Variants in MMP26 observed in about 807,000 individuals in gnomAD.
The protein encoded by MMP26 is matrix metalloproteinase-26.
A neutral mutation model predicts 31.0 loss-of-function variants in MMP26; 33 were observed. That is an observed-to-expected ratio of 1.06 (90% CI 0.81 to 1.42). The LOEUF is 1.42. Among genes scored for constraint, MMP26 ranks in the 40% most tolerant of loss-of-function variants. MMP26 has a pLI of 0.00. For missense variants in MMP26, 347 were observed against 316.1 expected, an observed-to-expected ratio of 1.10 and a Z score of -0.74; for synonymous variants, 122 against 114.9, an observed-to-expected ratio of 1.06 and a Z score of -0.40.
chr11:4,754,033 C>T (rs1354734116), intron 1 of MMP26, among the ~76,000 whole-genome samples: 1 of 151,078 alleles, frequency 6.6e-6, no homozygotes, highest in East Asian at 1.9e-4. Context: ...CATTTCCATA[C>T]TTTGCTCTAA....
intron 2 of MMP26, chr11:4,907,201 A>G: frequency 3.7e-6 from 2 of 541,118 alleles, no homozygotes; most frequent in Middle Eastern, 4.9e-4. Context: ...TTGTTTAAGG[A>G]CTTCTGGTAA....
chr11:4,720,765 C>T (rs1253452024), intron 1 of MMP26, among the ~76,000 whole-genome samples: 1 of 152,136 alleles, frequency 6.6e-6, no homozygotes, highest in Non-Finnish European at 1.5e-5. Flanking sequence ...GAACATGAGG[C>T]CAAGAGCCAA....
At chr11:4,942,367 C>T (rs1241021265) in intron 2 of MMP26, among the ~76,000 whole-genome samples, 1 of 151,930 alleles carries the variant, frequency 6.6e-6, no homozygotes, top group African/African-American at 2.4e-5. Flanking sequence ...GTTACTTTCT[C>T]TCCTATCTTA....
At chr11:4,777,515 A>C (rs1363474503) in intron 2 of MMP26, among the ~76,000 whole-genome samples, 5 of 152,136 alleles carry the variant, frequency 3.3e-5, no homozygotes. Context: ...ATTACAAGCA[A>C]ACTGGTTGAA....
chr11:4,955,598 A>G, intron 2 of MMP26: 2 of 1,440,370 alleles, frequency 1.4e-6, no homozygotes, highest in Admixed American at 1.8e-5. Flanking sequence ...TAGAATAGCA[A>G]TAAGATACAT....
chr11:4,775,747 TGAGAGA>T (rs35696328), intron 2 of MMP26, among the ~76,000 whole-genome samples: 3 of 139,706 alleles, frequency 2.1e-5, no homozygotes, highest in East Asian at 2.1e-4. Flanking sequence ...AGGAAGTGAG[TGAGAGA>T]GAGAGAGAGA....
chr11:4,946,647 A>G (rs1412738843), intron 2 of MMP26: 2 of 1,589,258 alleles, frequency 1.3e-6, no homozygotes, highest in South Asian at 1.1e-5. Flanking sequence ...ATGCTCTTAA[A>G]GGAGAATACT....
chr11:4,786,109 A>G (rs1848940136), intron 2 of MMP26, among the ~76,000 whole-genome samples: 1 of 152,248 alleles, frequency 6.6e-6, no homozygotes, highest in African/African-American at 2.4e-5. Flanking sequence ...ATTACTTGTA[A>G]TTCCTCTCTC....
chr11:4,843,026 T>C (rs1025750705), intron 2 of MMP26, among the ~76,000 whole-genome samples: 1 of 152,190 alleles, frequency 6.6e-6, no homozygotes, highest in Middle Eastern at 3.2e-3. Context: ...TCTGACCCCA[T>C]GTCTCTCACC....
At chr11:4,787,597 C>G (rs1848966180) in intron 2 of MMP26, 1 of 152,282 alleles carries the variant, frequency 6.6e-6, no homozygotes, top group African/African-American at 2.4e-5. Context: ...TGTCCAACAT[C>G]TATTTCCTTG....
intron 2 of MMP26, among the ~76,000 whole-genome samples, chr11:4,825,034 T>C (rs1040516729): frequency 6.6e-6 from 1 of 152,120 alleles, no homozygotes; most frequent in Admixed American, 6.6e-5. Context: ...TTTCAGGCTT[T>C]GCTGAGACCT....
At chr11:4,944,688 T>C (rs1375554391) in intron 2 of MMP26, 1 of 152,106 alleles carries the variant, frequency 6.6e-6, no homozygotes, top group Non-Finnish European at 1.5e-5. Flanking sequence ...TTTCGCAATA[T>C]GCAAGATTTT....
Position 4,723,759 on chromosome 11 carries a change from G to C in MMP26, c.-217+18714G>C. ...GGTTGTTGATGTAGCTCTCGAACAT[G>C]TTGTCCATGTTGCTCCGAGCTGTCT... is the stretch of plus-strand genomic sequence containing the variant. On this transcript the variant is annotated intron_variant, in intron 1 of 7. Transcript: ENST00000380390. The C allele has an allele frequency of 2.0e-6, 3 of 1,464,760 alleles. No individual in the cohort carries two copies. The Admixed American group carries it at 5.0e-5, about 24-fold the overall frequency. The allele number at this position is 1,464,760 out of a possible 1,614,324, so 90.7% of individuals were successfully genotyped here. A position where few individuals can be genotyped will look rare whatever the true frequency, so the allele number is the denominator to read the frequency against.
chr11:4,824,955 A>G (rs1849560893), intron 2 of MMP26, among the ~76,000 whole-genome samples: 1 of 152,266 alleles, frequency 6.6e-6, no homozygotes, highest in African/African-American at 2.4e-5. Context: ...GGTTAGTCCA[A>G]TTAAGTAGGT....
intron 2 of MMP26, among the ~76,000 whole-genome samples, chr11:4,888,612 A>C (rs1470527082): frequency 6.6e-6 from 1 of 152,166 alleles, no homozygotes; most frequent in Non-Finnish European, 1.5e-5. Flanking sequence ...CTTTTAGTTG[A>C]CCATGGCTTA....
intron 2 of MMP26, among the ~76,000 whole-genome samples, chr11:4,928,114 A>T (rs570505855): frequency 9.5e-6 from 1 of 105,502 alleles, no homozygotes; most frequent in East Asian, 4.7e-4. Flanking sequence ...TGACTATATG[A>T]CCTAGGACAA....
intron 2 of MMP26, among the ~76,000 whole-genome samples, chr11:4,770,253 G>A (rs940288857): frequency 6.6e-6 from 1 of 152,112 alleles, no homozygotes; most frequent in Admixed American, 6.5e-5. Flanking sequence ...AGACTTAGCT[G>A]AGAAAAAATA....
intron 2 of MMP26, among the ~76,000 whole-genome samples, chr11:4,852,859 A>T (rs1849995308): frequency 6.6e-6 from 1 of 152,150 alleles, no homozygotes; most frequent in African/African-American, 2.4e-5. Flanking sequence ...ATAGATATAT[A>T]ATATTCAGCC....
rs374856750 is a variant in MMP26 at position 4,961,147 on chromosome 11, G to A, written c.-144-26921G>A. Among the ~76,000 whole-genome samples the A allele has an allele frequency of 4.6e-5, 7 of 152,304 alleles. No homozygotes were observed. The East Asian group carries it at 9.6e-4, about 21-fold the overall frequency. On this transcript the variant is annotated intron_variant, in intron 2 of 7. Coordinates refer to ENST00000380390, the MANE Select transcript of MMP26 (RefSeq NM_021801.5). The stretch of plus-strand genomic sequence containing the variant: ...AAATTTTGTCTTCACAACTGCAGAT[G>A]TACCTAAAGGATATTTCTTCATTTA...
Sources: gnomAD v4.1 joint callset for allele counts (sites outside exome capture counted in the v4.1 genomes callset) on GRCh38, gnomAD v4.1.1 for gene constraint, MANE v1.5 for transcripts, NCBI Gene and HGNC (gene_info 2026-07-23, HGNC 2026-07-21) for gene names.